The following FHIT variants were observed in gnomAD, a reference collection of about 807,000 sequenced individuals.
The protein encoded by FHIT is fragile histidine triad diadenosine triphosphatase.
A neutral mutation model predicts 17.9 loss-of-function variants in FHIT; 19 were observed. That is an observed-to-expected ratio of 1.06 (90% CI 0.74 to 1.56). FHIT has a LOEUF of 1.56. Among genes scored for constraint, FHIT ranks in the 40% most tolerant of loss-of-function variants. FHIT has a pLI of 0.00. For synonymous variants in FHIT, 81 were observed against 69.7 expected, an observed-to-expected ratio of 1.16 and a Z score of -0.81; for missense variants, 248 against 189.2, an observed-to-expected ratio of 1.31 and a Z score of -1.82.
intron 5 of FHIT, among the ~76,000 whole-genome samples, chr3:60,084,787 T>A (rs529094448): frequency 1.2e-4 from 18 of 152,298 alleles, no homozygotes; most frequent in African/African-American, 4.3e-4. Context: ...AGACTGAAAT[T>A]GAAATTCAAT....
At chr3:60,530,227 G>A (rs1200647573) in intron 5 of FHIT, among the ~76,000 whole-genome samples, 5 of 152,156 alleles carry the variant, frequency 3.3e-5, no homozygotes, top group South Asian at 4.1e-4. Context: ...CCTCACCAGA[G>A]AGCAGGCAGC....
chr3:60,543,556 T>C (rs1196017282), intron 4 of FHIT, among the ~76,000 whole-genome samples: 1 of 152,214 alleles, frequency 6.6e-6, no homozygotes, highest in Non-Finnish European at 1.5e-5. Context: ...GCATTCTATC[T>C]TAGATTTATT....
intron 7 of FHIT, among the ~76,000 whole-genome samples, chr3:59,997,035 C>T (rs1699540612): frequency 6.6e-6 from 1 of 152,114 alleles, no homozygotes; most frequent in South Asian, 2.1e-4. Flanking sequence ...TTGGTGAAAC[C>T]ATGCTCATGT....
chr3:60,237,196 G>C (rs1407165724), intron 5 of FHIT, among the ~76,000 whole-genome samples: 4 of 151,562 alleles, frequency 2.6e-5, no homozygotes, highest in African/African-American at 9.7e-5. Flanking sequence ...TGGCTTCCCA[G>C]AGTATGGAAC....
At chr3:59,898,635 A>C (rs758015044) in intron 8 of FHIT, among the ~76,000 whole-genome samples, 1 of 152,104 alleles carries the variant, frequency 6.6e-6, no homozygotes, top group Non-Finnish European at 1.5e-5. Context: ...TCCTCTACAG[A>C]ATCTTTTTTT....
chr3:60,397,672 C>T (rs778500548), intron 5 of FHIT, among the ~76,000 whole-genome samples: 1 of 152,130 alleles, frequency 6.6e-6, no homozygotes, highest in Non-Finnish European at 1.5e-5. Context: ...AATGCCTAGG[C>T]ATATAAAGGC....
At chr3:60,874,262 C>T (rs782088285) in intron 3 of FHIT, among the ~76,000 whole-genome samples, 48 of 152,120 alleles carry the variant, frequency 3.2e-4, no homozygotes, top group Admixed American at 1.2e-3. Context: ...CTGCTATCAG[C>T]AGCAGCAGCA....
chr3:60,123,965 AAAATATATATAT>A lies in FHIT; in HGVS notation c.104-109825_104-109814del, dbSNP rs1320442591. Among the ~76,000 whole-genome samples the A allele has an allele frequency of 3.5e-3, 191 of 54,450 alleles. 8 individuals carry two copies. The highest frequency in any genetic ancestry group is 0.01 in the African/African-American group (122 of 11,756). 35.7% of individuals were successfully genotyped at this position (54,450 alleles called of 152,430 possible). ...CACTTCCATTAACAGAAATGCACTAAAAATATATATATATATATATATATATATATATATATA... is the reference window on the plus strand; with the variant it reads ...CACTTCCATTAACAGAAATGCACTAAATATATATATATATATATATATATA... On this transcript the variant is annotated intron_variant, in intron 5 of 9. Transcript: ENST00000492590.
intron 1 of FHIT, among the ~76,000 whole-genome samples, chr3:61,220,835 C>A: frequency 6.6e-6 from 1 of 152,088 alleles, no homozygotes; most frequent in Admixed American, 6.6e-5. Flanking sequence ...AATTTGTACC[C>A]CATGCTTTCA....
intron 5 of FHIT, among the ~76,000 whole-genome samples, chr3:60,415,044 GC>G (rs1359091843): frequency 5.9e-5 from 9 of 152,112 alleles, no homozygotes; most frequent in African/African-American, 2.2e-4. Context: ...ATGAAGTGAG[GC>G]CCGGGAATGT....
intron 4 of FHIT, among the ~76,000 whole-genome samples, chr3:60,672,428 CT>C (rs1415316475): frequency 6.6e-6 from 1 of 152,114 alleles, no homozygotes; most frequent in East Asian, 1.9e-4. Flanking sequence ...AGTGGGGGTG[CT>C]TTTTGAGCCA....
intron 5 of FHIT, among the ~76,000 whole-genome samples, chr3:60,160,138 G>C (rs958319750): frequency 7.0e-6 from 1 of 143,824 alleles, no homozygotes; most frequent in African/African-American, 2.5e-5. Context: ...GTGTGTGTGT[G>C]TGTGTCTGTG....
intron 4 of FHIT, among the ~76,000 whole-genome samples, chr3:60,628,457 C>T (rs1385000401): frequency 6.6e-6 from 1 of 152,172 alleles, no homozygotes; most frequent in Non-Finnish European, 1.5e-5. Context: ...CCTCAATTGG[C>T]CTCACACCCA....
intron 1 of FHIT, among the ~76,000 whole-genome samples, chr3:61,229,007 T>C (rs1196932888): frequency 6.6e-6 from 1 of 152,112 alleles, no homozygotes; most frequent in African/African-American, 2.4e-5. Flanking sequence ...CAAGATACTG[T>C]AGAGTAGAGC....
At chr3:61,026,794 AT>A (rs1245221581) in intron 3 of FHIT, among the ~76,000 whole-genome samples, 1 of 152,180 alleles carries the variant, frequency 6.6e-6, no homozygotes, top group Non-Finnish European at 1.5e-5. Context: ...ACAAACAGTA[AT>A]TTAATTTTTA....
chr3:60,561,013 A>ACTTTG (rs2036923649), intron 4 of FHIT, among the ~76,000 whole-genome samples: 1 of 152,070 alleles, frequency 6.6e-6, no homozygotes, highest in Admixed American at 6.5e-5. Flanking sequence ...AGTGCCAGGC[A>ACTTTG]AATAATTGAT....
intron 2 of FHIT, among the ~76,000 whole-genome samples, chr3:61,187,533 G>C (rs1371627646): frequency 3.3e-5 from 5 of 152,132 alleles, no homozygotes; most frequent in African/African-American, 1.2e-4. Context: ...GAGACAGAAA[G>C]TTAACAAGGA....
At chr3:60,572,081 T>C (rs528401625) in intron 4 of FHIT, among the ~76,000 whole-genome samples, 2 of 152,080 alleles carry the variant, frequency 1.3e-5, no homozygotes, top group Non-Finnish European at 2.9e-5. Context: ...TTAGAGTCAA[T>C]AGATTCTAAA....
At chr3:60,581,925 A>G (rs1194874121) in intron 4 of FHIT, among the ~76,000 whole-genome samples, 2 of 152,098 alleles carry the variant, frequency 1.3e-5, no homozygotes, top group African/African-American at 4.8e-5. Context: ...TGAGATTTCA[A>G]TATAAGCAGG....
Sources: gnomAD v4.1 joint callset for allele counts (sites outside exome capture counted in the v4.1 genomes callset) on GRCh38, gnomAD v4.1.1 for gene constraint, MANE v1.5 for transcripts, NCBI Gene and HGNC (gene_info 2026-07-23, HGNC 2026-07-21) for gene names.